The following PFKL variants were observed in gnomAD, a reference collection of about 807,000 sequenced individuals.
PFKL encodes phosphofructokinase, liver type.
In PFKL, 74 loss-of-function variants were observed where a neutral mutation model predicts 92.1. The ratio of observed to expected loss-of-function variants is 0.80; its 90% CI spans 0.67 to 0.97. The LOEUF (loss-of-function observed/expected upper bound fraction) is 0.97, where lower values mean the gene tolerates loss of function less well. PFKL is among the 50% of genes least tolerant of loss of function. The pLI, the probability that PFKL is intolerant of heterozygous loss-of-function variation, is 0.00. For missense variants in PFKL, 1,028 were observed against 1,116.6 expected (o/e 0.92, Z 1.13); for synonymous variants, 494 against 456.4 (o/e 1.08, Z -1.05).
At chr21:44,307,369 A>G (rs1489240886) in intron 2 of PFKL, 1 of 927,564 alleles carries the variant, frequency 1.1e-6, no homozygotes, top group Non-Finnish European at 1.3e-6. Context: ...ATGTGCACAC[A>G]CAGGCGCATT....
chr21:44,303,854 G>T (rs1247606038), intron 1 of PFKL, among the ~76,000 whole-genome samples: 2 of 152,118 alleles, frequency 1.3e-5, no homozygotes. Context: ...CTGCTGGTAG[G>T]CAGCGGCAGG....
chr21:44,316,602 G>A (rs1016468490), intron 9 of PFKL, 78 bp downstream of exon 9: 28 of 1,079,982 alleles, frequency 2.6e-5, no homozygotes, highest in Middle Eastern at 3.0e-4. Context: ...CAGTGTGCAC[G>A]CGAGCATGGC....
rs772321902 is a variant in PFKL at position 44,322,988 on chromosome 21, C to T, written c.1436C>T (p.Ser479Phe). The change falls in exon 15 of 22, where the codon TCC becomes TTC. Residue 479 changes from serine (S) to phenylalanine (F), a missense_variant. Transcript: ENST00000349048. Reference sequence around the variant, plus strand: ...ACCCTGCCCAAGGGCCAGCTGGAGTCCATTGTGGAGAACATCCGCATCTAT... The same window carrying T: ...ACCCTGCCCAAGGGCCAGCTGGAGTTCATTGTGGAGAACATCCGCATCTAT... ...KRTLPKGQLE[S>F]IVENIRIYGI... 2 of 1,612,698 alleles carry T rather than the reference C, an allele frequency of 1.2e-6. No homozygotes were observed. The highest frequency in any genetic ancestry group is 1.7e-6 in the Non-Finnish European group (2 of 1,179,386).
chr21:44,322,969 C>G lies in PFKL; in HGVS notation c.1417C>G (p.Pro473Ala). ...GSMLGTKRTL[P>A]KGQLESIVEN... is the part of the protein sequence containing the mutation. ...ATGTGTCTTTGACTGCAGGACCCTG[C>G]CCAAGGGCCAGCTGGAGTCCATTGT... The change falls in exon 15 of 22, where the codon CCC (proline) becomes GCC (alanine). Residue 473 changes from proline (P) to alanine (A), a missense_variant. By Grantham distance (27) the Pro-to-Ala change is conservative. Coordinates refer to ENST00000349048, the MANE Select transcript of PFKL (RefSeq NM_002626.6). 1 of 1,611,270 alleles carries G rather than the reference C, an allele frequency of 6.2e-7. No homozygotes were observed. The highest frequency in any genetic ancestry group is 8.5e-7 in the Non-Finnish European group (1 of 1,178,448).
intron 3 of PFKL, 143 bp downstream of exon 3, chr21:44,311,226 GCA>G (rs377163691): frequency 7.9e-5 from 50 of 631,222 alleles, no homozygotes; most frequent in South Asian, 1.5e-4. Flanking sequence ...GCACACAGAC[GCA>G]CACACACACA....
chr21:44,302,613 G>C (rs1033100438), intron 1 of PFKL, among the ~76,000 whole-genome samples: 1 of 152,190 alleles, frequency 6.6e-6, no homozygotes, highest in Non-Finnish European at 1.5e-5. Context: ...TATGTCAGCC[G>C]GGCAGCAGGA....
chr21:44,305,275 C>T lies in PFKL; in HGVS notation c.86-1406C>T, dbSNP rs1310143062. ...TCTCAAGGCGTGGCACCTCACCTCA[C>T]ACCTGCTCCCTGCTGCTGAGCCCCA... On this transcript the variant is annotated intron_variant, in intron 1 of 21. Coordinates refer to ENST00000349048, the MANE Select transcript of PFKL (RefSeq NM_002626.6). The T allele has an allele frequency of 3.0e-6, 4 of 1,348,674 alleles. 1 individual carries two copies. In the South Asian group the frequency reaches 3.5e-5, roughly 12 times the overall value. The allele number at this position is 1,348,674 out of a possible 1,614,324, so 83.5% of individuals were successfully genotyped here.
Position 44,312,231 on chromosome 21 carries a change from C to T in PFKL, c.364C>T (p.Leu122Phe). Residue 122 changes from leucine to phenylalanine, a missense_variant, in exon 4 of 22, where the codon CTC becomes TTC. Coordinates refer to ENST00000349048, the MANE Select transcript of PFKL (RefSeq NM_002626.6). ...GTGCGTCATCGGCGGGGATGGCAGC[C>T]TCACAGGTGCCAACATCTTCCGCAG... ...NLCVIGGDGSLTGANIFRSEW... is the reference protein window; with the variant it reads ...NLCVIGGDGSFTGANIFRSEW... The T allele has an allele frequency of 6.2e-7, 1 of 1,600,594 alleles. No individual in the cohort carries two copies. Among genetic ancestry groups the T allele is most frequent in the Non-Finnish European group, 8.5e-7 (1 of 1,173,994 alleles).
At position 44,326,745 on chromosome 21, in the gene PFKL, G is replaced by C; in HGVS notation, c.2226G>C (p.Leu742=). The C allele has an allele frequency of 1.2e-6, 2 of 1,611,546 alleles. No individual in the cohort carries two copies. The highest frequency in any genetic ancestry group is 1.7e-6 in the Non-Finnish European group (2 of 1,179,486). The stretch of plus-strand genomic sequence containing the variant: ...GCATGCCACGGGAGCAGTGGTGGCT[G>C]AGCCTGCGGCTCATGCTGAAGATGC... ...EHRMPREQWW[L]SLRLMLKMLA... The change falls in exon 22 of 22, where the codon CTG becomes CTC. Residue 742 remains leucine (L), a synonymous_variant. Coordinates refer to ENST00000349048, the MANE Select transcript of PFKL (RefSeq NM_002626.6).
chr21:44,306,280 G>A (rs1476639611), intron 1 of PFKL, among the ~76,000 whole-genome samples: 2 of 152,180 alleles, frequency 1.3e-5, no homozygotes, highest in African/African-American at 2.4e-5. Flanking sequence ...ACCCACACAT[G>A]CCTGATTGCC....
intron 2 of PFKL, among the ~76,000 whole-genome samples, chr21:44,308,279 A>C (rs1166155045): frequency 6.6e-6 from 1 of 152,136 alleles, no homozygotes; most frequent in Non-Finnish European, 1.5e-5. Context: ...CAAGGCTGAG[A>C]GCTTCCCTGA....
chr21:44,327,292 C>A lies in PFKL; in HGVS notation c.*430C>A. ...GCCCCTGGCCCTGCCTCACTGTGAC[C>A]TGCTCCTGCCCACGTGCAGCACCTG... On this transcript the variant is annotated 3_prime_UTR_variant, in exon 22 of 22. Transcript: ENST00000349048. 4.8e-6 allele frequency: 1 copy of A among 208,064 alleles called. No individual in the cohort carries two copies. 12.9% of individuals were successfully genotyped at this position (208,064 alleles called of 1,614,324 possible). A position where few individuals can be genotyped will look rare whatever the true frequency, so the allele number is the denominator to read the frequency against.
intron 21 of PFKL, 130 bp from the exon 22 acceptor site, chr21:44,326,585 T>C (rs2047517667): frequency 8.5e-7 from 1 of 1,171,772 alleles, no homozygotes; most frequent in Admixed American, 2.4e-5. Flanking sequence ...GCTCCACGGA[T>C]ACCGAGATGT....
intron 1 of PFKL, chr21:44,305,258 C>T (rs2146421771): frequency 1.4e-5 from 18 of 1,326,140 alleles, no homozygotes; most frequent in East Asian, 5.1e-5. Flanking sequence ...TTTCTCAAGG[C>T]GTGGCACCTC....
chr21:44,303,441 A>AAAAAAAAAAAAAAGACTTGATCG lies in PFKL; in HGVS notation c.86-3227_86-3226insGACTTGATCGAAAAAAAAAAAAA, dbSNP rs1555874970. Among the ~76,000 whole-genome samples the AAAAAAAAAAAAAAGACTTGATCG allele has an allele frequency of 2.2e-3, 217 of 97,102 alleles. 38 individuals are homozygous for AAAAAAAAAAAAAAGACTTGATCG. Among genetic ancestry groups the AAAAAAAAAAAAAAGACTTGATCG allele is most frequent in the African/African-American group, 7.6e-3 (144 of 18,956 alleles). 63.7% of individuals were successfully genotyped at this position (97,102 alleles called of 152,430 possible). The stretch of plus-strand genomic sequence containing the variant: ...AAAAAAACAGACTTGACCAAAAAAA[A>AAAAAAAAAAAAAAGACTTGATCG]AAAAAAAAAAAAAATGGCCCGGCCT... On this transcript the variant is annotated intron_variant, in intron 1 of 21. Coordinates refer to ENST00000349048, the MANE Select transcript of PFKL (RefSeq NM_002626.6).
chr21:44,308,056 G>A (rs1348499515), intron 2 of PFKL, among the ~76,000 whole-genome samples: 5 of 152,338 alleles, frequency 3.3e-5, no homozygotes, highest in Middle Eastern at 3.4e-3. Context: ...ACATGGAGAA[G>A]CCGAGGGGTA....
chr21:44,326,690 A>T, intron 21 of PFKL, 25 bp from the exon 22 acceptor site: 1 of 1,609,002 alleles, frequency 6.2e-7, no homozygotes, highest in Non-Finnish European at 8.5e-7. Context: ...ACTCCCCATC[A>T]TCCTCCCATC....
chr21:44,322,223 T>C lies in PFKL; in HGVS notation c.1409+20T>C, dbSNP rs1204527065. ...CAAGAGGTGAGCTGCCTGCTGCGGG[T>C]ACCTGGGGGCAGGAGGGCCAGGGCG... On this transcript the variant is annotated intron_variant, in intron 14 of 21. Transcript: ENST00000349048. 4 of 1,592,456 alleles carry C rather than the reference T, an allele frequency of 2.5e-6. No individual in the cohort carries two copies. The highest frequency in any genetic ancestry group is 3.4e-6 in the Non-Finnish European group (4 of 1,173,070).
intron 19 of PFKL, 45 bp from the exon 20 acceptor site, chr21:44,325,915 AG>A: frequency 6.7e-7 from 1 of 1,482,410 alleles, no homozygotes; most frequent in Non-Finnish European, 9.3e-7. Context: ...GCCTTGGCCC[AG>A]GCAGCCCAGG....
Sources: allele counts gnomAD v4.1 joint callset (sites outside exome capture counted in the v4.1 genomes callset), GRCh38; gene constraint gnomAD v4.1.1; transcripts MANE v1.5; gene names NCBI Gene and HGNC (gene_info 2026-07-23, HGNC 2026-07-21).